CAMK2G: variants seen among roughly 807,000 people sequenced by gnomAD.
CAMK2G encodes the protein calcium/calmodulin-dependent protein kinase type II subunit gamma.
CAMK2G carries 23 observed loss-of-function variants against 88.7 expected under a neutral mutation model. The observed-to-expected ratio is 0.26, with a 90% CI of 0.19 to 0.37. The LOEUF (loss-of-function observed/expected upper bound fraction) is 0.37. CAMK2G is among the 10% of genes least tolerant of loss of function. The probability of loss-of-function intolerance (pLI) is 1.00; values close to 1 mark genes in which losing one functional copy is unlikely to be tolerated. For missense variants in CAMK2G, 476 were observed against 780.8 expected (o/e 0.61, Z 4.65); for synonymous variants, 263 against 294.8 (o/e 0.89, Z 1.11).
chr10:73,836,128 C>T, intron 14 of CAMK2G, among the ~76,000 whole-genome samples: 1 of 152,214 alleles, frequency 6.6e-6, no homozygotes, highest in Non-Finnish European at 1.5e-5. Context: ...GCCACCAAGC[C>T]TGACCCATAT....
rs775646649 is a variant in CAMK2G at position 73,849,310 on chromosome 10, T to C, written c.365A>G (p.Glu122Gly). 6.2e-7 allele frequency: 1 copy of C among 1,613,528 alleles called. No homozygotes were observed. Among genetic ancestry groups the C allele is most frequent in the East Asian group, 2.2e-5 (1 of 44,898 alleles). Residue 122 changes from glutamate (E) to glycine (G), a missense_variant, in exon 6 of 23, where the codon GAG (glutamate) becomes GGG (glycine). Physicochemically the swap from Glu to Gly is moderately conservative, Grantham distance 98. Transcript: ENST00000423381. ...DASHCIHQIL[E>G]SVNHIHQHDI... ...ATGCTGGTGGATGTGGTTAACACTC[T>C]CCAGAATCTGATGTATACAGTGGCT...
chr10:73,855,551 C>T (rs1052106427), intron 3 of CAMK2G, among the ~76,000 whole-genome samples: 1 of 152,108 alleles, frequency 6.6e-6, no homozygotes, highest in Non-Finnish European at 1.5e-5. Context: ...CCCCACACCA[C>T]CCTGCCCCCG....
intron 3 of CAMK2G, among the ~76,000 whole-genome samples, chr10:73,853,506 A>G (rs999003791): frequency 3.3e-5 from 5 of 152,240 alleles, no homozygotes; most frequent in African/African-American, 1.2e-4. Context: ...CAAGATGGAG[A>G]AAAGCCGGAA....
chr10:73,826,003 G>A lies in CAMK2G; in HGVS notation c.1087-656C>T, dbSNP rs553957109. Among the ~76,000 whole-genome samples the A allele has an allele frequency of 2.6e-5, 4 of 152,288 alleles. No individual in the cohort carries two copies. In the East Asian group the frequency reaches 7.7e-4, roughly 29 times the overall value. ...TGATCAGCTAGAAGGGCAGTGTTCC[G>A]GGGAGGGGCAGGTGAAACCCAGCGG... On this transcript the variant is annotated intron_variant, in intron 15 of 22. Coordinates refer to ENST00000423381, the MANE Select transcript of CAMK2G (RefSeq NM_001367534.1).
chr10:73,818,675 G>A lies in CAMK2G; in HGVS notation c.1363+857C>T, dbSNP rs746385510. On this transcript the variant is annotated intron_variant, in intron 19 of 22. Coordinates refer to ENST00000423381, the MANE Select transcript of CAMK2G (RefSeq NM_001367534.1). ...GCCCCGCTAGGCCACAGCTCCAGGT[G>A]AGCAAGCAGCAGGTTAAGGGAAGCA... The A allele has an allele frequency of 1.5e-5, 7 of 454,480 alleles. 1 individual carries two copies. The highest frequency in any genetic ancestry group is 7.0e-5 in the Admixed American group (3 of 42,564). 28.2% of individuals were successfully genotyped at this position (454,480 alleles called of 1,614,324 possible). A position where few individuals can be genotyped will look rare whatever the true frequency, so the allele number is the denominator to read the frequency against.
rs1370048261 is a variant in CAMK2G at position 73,819,617 on chromosome 10, G to C, written c.1278C>G (p.Ser426Arg). Residue 426 changes from serine to arginine, a missense_variant, in exon 19 of 23, where the codon AGC becomes AGG. Physicochemically the swap from Ser to Arg is moderately radical, Grantham distance 110 (BLOSUM62 -1). Coordinates refer to ENST00000423381, the MANE Select transcript of CAMK2G (RefSeq NM_001367534.1). ...GGGAGCTCCGTCCTTCAGGCACCGA[G>C]CTGCCATTCCCAGTGCGGAGCGGGG... is the stretch of plus-strand genomic sequence containing the variant. ...KAAPLRTGNG[S>R]SVPEGRSSRD... 1.9e-6 allele frequency: 3 copies of C among 1,545,806 alleles called. No individual in the cohort carries two copies. Among genetic ancestry groups the C allele is most frequent in the Non-Finnish European group, 2.6e-6 (3 of 1,146,808 alleles).
Position 73,827,312 on chromosome 10 carries a change from G to A in CAMK2G, c.1086+777C>T, listed in dbSNP as rs554487103. Among the ~76,000 whole-genome samples, 4 of 152,322 alleles carry A rather than the reference G, an allele frequency of 2.6e-5. No homozygotes were observed. The South Asian group carries it at 8.3e-4, about 32-fold the overall frequency. On this transcript the variant is annotated intron_variant, in intron 15 of 22. Transcript: ENST00000423381. ...CGCCATTCTCCTGCCTCAGCCTCCTGAGTAGCTGGGACTACAGGCGCCCAC... is the reference window on the plus strand; with the variant it reads ...CGCCATTCTCCTGCCTCAGCCTCCTAAGTAGCTGGGACTACAGGCGCCCAC...
intron 1 of CAMK2G, chr10:73,873,423 CAAGAGAACCAGGGCAG>C: frequency 8.5e-7 from 1 of 1,174,152 alleles, no homozygotes. Context: ...CGGTCCCGGC[CAAGAGAACCAGGGCAG>C]AAGGGAGCAG....
chr10:73,843,760 A>G (rs1329950649), intron 10 of CAMK2G, among the ~76,000 whole-genome samples: 2 of 151,120 alleles, frequency 1.3e-5, no homozygotes, highest in Non-Finnish European at 3.0e-5. Context: ...TCCGGAGGCA[A>G]CTCTCCCCAC....
intron 1 of CAMK2G, among the ~76,000 whole-genome samples, chr10:73,874,047 G>A (rs930546511): frequency 2.0e-5 from 3 of 150,122 alleles, no homozygotes; most frequent in African/African-American, 7.4e-5. Context: ...GTGGGACCTG[G>A]GTTCAGGGTG....
At position 73,847,234 on chromosome 10, in the gene CAMK2G, C is replaced by A; in HGVS notation, c.810G>T (p.Pro270=). ...RITADQALKH[P]WVCQRSTVAS... ...TAGCAAAGACACTTACACAGACCCA[C>A]GGGTGCTTGAGAGCCTGGTCAGCCG... Residue 270 remains proline, a synonymous_variant, in exon 10 of 23, where the codon CCG becomes CCT. Coordinates refer to ENST00000423381, the MANE Select transcript of CAMK2G (RefSeq NM_001367534.1). 1 of 1,614,190 alleles carries A rather than the reference C, an allele frequency of 6.2e-7. No individual in the cohort carries two copies. The highest frequency in any genetic ancestry group is 8.5e-7 in the Non-Finnish European group (1 of 1,180,018).
At chr10:73,854,250 C>T (rs2094858309) in intron 3 of CAMK2G, among the ~76,000 whole-genome samples, 1 of 152,304 alleles carries the variant, frequency 6.6e-6, no homozygotes, top group South Asian at 2.1e-4. Context: ...GAAGAAGACT[C>T]GGGCGATGCA....
At chr10:73,817,915 A>G (rs1042304920) in intron 19 of CAMK2G, 6 of 275,378 alleles carry the variant, frequency 2.2e-5, no homozygotes, top group African/African-American at 1.1e-4. Context: ...CTCTCTCACA[A>G]GCATCTCCCA....
chr10:73,833,582 C>A (rs1223965314), intron 14 of CAMK2G, among the ~76,000 whole-genome samples: 1 of 143,074 alleles, frequency 7.0e-6, no homozygotes, highest in Non-Finnish European at 1.5e-5. Flanking sequence ...AGTTTATTTT[C>A]TTTGATCATC....
intron 19 of CAMK2G, among the ~76,000 whole-genome samples, chr10:73,818,001 C>T (rs374542966): frequency 3.9e-5 from 6 of 152,274 alleles, no homozygotes; most frequent in East Asian, 1.9e-4. Flanking sequence ...CACCCCCACT[C>T]GTAGCCCTCA....
Position 73,874,552 on chromosome 10 carries a change from G to T in CAMK2G, c.-91C>A, listed in dbSNP as rs1242693520. 1.2e-5 allele frequency: 10 copies of T among 847,996 alleles called. No individual in the cohort carries two copies. The highest frequency in any genetic ancestry group is 1.8e-5 in the African/African-American group (1 of 56,550). The allele number at this position is 847,996 out of a possible 1,614,324, so 52.5% of individuals were successfully genotyped here. A position where few individuals can be genotyped will look rare whatever the true frequency, so the allele number is the denominator to read the frequency against. The stretch of plus-strand genomic sequence containing the variant: ...GGCCGAGGGAGCAAGAGGAGGAGAC[G>T]GGGCTGAGCCCGGCAGCACCGCGAG... On this transcript the variant is annotated 5_prime_UTR_variant, in exon 1 of 23. Transcript: ENST00000423381.
chr10:73,866,212 A>G (rs2095585647), intron 2 of CAMK2G, among the ~76,000 whole-genome samples: 1 of 152,134 alleles, frequency 6.6e-6, no homozygotes, highest in South Asian at 2.1e-4. Context: ...CCACGATTTC[A>G]CAGGAAGGGC....
At chr10:73,861,254 G>A (rs1166665640) in intron 2 of CAMK2G, among the ~76,000 whole-genome samples, 2 of 152,200 alleles carry the variant, frequency 1.3e-5, no homozygotes, top group African/African-American at 4.8e-5. Flanking sequence ...TGCACACTTC[G>A]AGCCAGTGAG....
At chr10:73,833,615 A>G (rs982093176) in intron 14 of CAMK2G, among the ~76,000 whole-genome samples, 10 of 109,034 alleles carry the variant, frequency 9.2e-5, no homozygotes, top group African/African-American at 3.5e-4. Flanking sequence ...TTTTTTTTTG[A>G]GACAGAGTCT....
Sources: gnomAD v4.1 joint callset for allele counts (sites outside exome capture counted in the v4.1 genomes callset) on GRCh38, gnomAD v4.1.1 for gene constraint, MANE v1.5 for transcripts, NCBI Gene and HGNC (gene_info 2026-07-23, HGNC 2026-07-21) for gene names.